DOK5: variants seen among roughly 807,000 people sequenced by gnomAD.
DOK5 encodes the protein docking protein 5, also known as downstream of tyrosine kinase 5.
A neutral mutation model predicts 43.3 loss-of-function variants in DOK5; 27 were observed. The observed-to-expected ratio is 0.62, with a 90% confidence interval of 0.46 to 0.86. The LOEUF (loss-of-function observed/expected upper bound fraction) is 0.86. Ranked by LOEUF, DOK5 falls within the 40% of genes least tolerant of loss-of-function variation. DOK5 has a pLI of 0.00. For missense variants in DOK5, 373 were observed against 392.9 expected (o/e 0.95, Z 0.43); for synonymous variants, 146 against 140.1 (o/e 1.04, Z -0.30).
At chr20:54,615,407 G>T (rs1986774826) in intron 6 of DOK5, among the ~76,000 whole-genome samples, 1 of 152,108 alleles carries the variant, frequency 6.6e-6, no homozygotes, top group Non-Finnish European at 1.5e-5. Context: ...ACAGTATCCT[G>T]GTCTATCCAG....
chr20:54,544,501 T>C (rs922016654), intron 1 of DOK5, among the ~76,000 whole-genome samples: 2 of 152,198 alleles, frequency 1.3e-5, no homozygotes, highest in Non-Finnish European at 2.9e-5. Context: ...GCCAATGCCC[T>C]TGTGACTGCT....
intron 2 of DOK5, among the ~76,000 whole-genome samples, chr20:54,558,644 TA>T (rs1984795122): frequency 6.6e-6 from 1 of 152,224 alleles, no homozygotes; most frequent in Non-Finnish European, 1.5e-5. Flanking sequence ...GAGTTTATTC[TA>T]ACATAAATAA....
intron 1 of DOK5, among the ~76,000 whole-genome samples, chr20:54,511,228 C>T (rs1029464283): frequency 1.3e-5 from 2 of 152,044 alleles, no homozygotes; most frequent in East Asian, 1.9e-4. Flanking sequence ...TCACATTTAC[C>T]CATCTTTAAA....
At chr20:54,495,781 C>T (rs1217113287) in intron 1 of DOK5, among the ~76,000 whole-genome samples, 1 of 151,990 alleles carries the variant, frequency 6.6e-6, no homozygotes, top group African/African-American at 2.4e-5. Context: ...ACTTGGGAGG[C>T]TGAGGTGGAA....
chr20:54,617,035 C>A (rs955971132), intron 6 of DOK5, among the ~76,000 whole-genome samples: 2 of 152,098 alleles, frequency 1.3e-5, no homozygotes, highest in African/African-American at 2.4e-5. Flanking sequence ...CATGATCCAC[C>A]CGCCTTGGCC....
intron 2 of DOK5, among the ~76,000 whole-genome samples, chr20:54,576,273 T>TA (rs1360980571): frequency 6.6e-6 from 1 of 152,036 alleles, no homozygotes; most frequent in Non-Finnish European, 1.5e-5. Context: ...TGAAAGCAAA[T>TA]AAAAATTTAA....
At chr20:54,591,888 G>T (rs1027082081) in intron 5 of DOK5, 83 bp downstream of exon 5, 1 of 1,280,108 alleles carries the variant, frequency 7.8e-7, no homozygotes, top group Non-Finnish European at 1.1e-6. Context: ...CATATGAGGC[G>T]GTAGGTTTAC....
intron 1 of DOK5, among the ~76,000 whole-genome samples, chr20:54,496,780 A>G (rs983565661): frequency 4.6e-5 from 7 of 151,644 alleles, no homozygotes; most frequent in East Asian, 1.9e-4. Flanking sequence ...AAAAAAAAAA[A>G]AAAAAAGAAA....
intron 2 of DOK5, among the ~76,000 whole-genome samples, chr20:54,581,534 A>C (rs186778327): frequency 1.2e-3 from 181 of 151,954 alleles, no homozygotes; most frequent in Non-Finnish European, 1.9e-3. Context: ...GATGCCTTTC[A>C]ATTTATCTGT....
At position 54,546,497 on chromosome 20, in the gene DOK5, C is replaced by T. The variant is rs561901067; in HGVS notation, c.67-8436C>T. ...ATGTGCCATGTTGGTGTGCTGCACC[C>T]ATTAACTCGTCATTTACATTAGGTA... On this transcript the variant is annotated intron_variant, in intron 1 of 7. Coordinates refer to ENST00000262593, the MANE Select transcript of DOK5 (RefSeq NM_018431.5). Among the ~76,000 whole-genome samples the T allele has an allele frequency of 7.2e-5, 11 of 152,092 alleles. No homozygotes were observed. The South Asian group carries it at 2.1e-3, about 29-fold the overall frequency.
At chr20:54,599,885 C>T (rs1268727579) in intron 5 of DOK5, among the ~76,000 whole-genome samples, 2 of 152,178 alleles carry the variant, frequency 1.3e-5, no homozygotes, top group Non-Finnish European at 2.9e-5. Flanking sequence ...CAACATACAA[C>T]TTACTCAACA....
chr20:54,633,360 G>A (rs1253958598), intron 6 of DOK5, among the ~76,000 whole-genome samples: 1 of 152,174 alleles, frequency 6.6e-6, no homozygotes. Context: ...GATGAGAGCC[G>A]AGATTTCAGC....
intron 6 of DOK5, among the ~76,000 whole-genome samples, chr20:54,641,838 T>C (rs761275824): frequency 1.2e-4 from 18 of 152,188 alleles, no homozygotes; most frequent in African/African-American, 4.1e-4. Context: ...TGTAGTTAAC[T>C]GGGCCTTGAA....
At chr20:54,588,048 G>A (rs901302654) in intron 2 of DOK5, among the ~76,000 whole-genome samples, 8 of 151,984 alleles carry the variant, frequency 5.3e-5, no homozygotes, top group Non-Finnish European at 1.0e-4. Context: ...ATGTATTTAA[G>A]ACACTTACAT....
intron 1 of DOK5, among the ~76,000 whole-genome samples, chr20:54,523,891 C>T (rs1037586806): frequency 6.6e-6 from 1 of 152,120 alleles, no homozygotes; most frequent in Non-Finnish European, 1.5e-5. Context: ...ACATGAGCCA[C>T]CGCGCCCAGC....
chr20:54,642,641 T>C (rs779222212), intron 6 of DOK5, among the ~76,000 whole-genome samples: 6 of 151,856 alleles, frequency 4.0e-5, no homozygotes, highest in Non-Finnish European at 7.4e-5. Context: ...GGAGAATTGC[T>C]TGAGCCCAGA....
At chr20:54,558,109 A>G (rs764316464) in intron 2 of DOK5, among the ~76,000 whole-genome samples, 4 of 152,228 alleles carry the variant, frequency 2.6e-5, no homozygotes, top group Non-Finnish European at 5.9e-5. Flanking sequence ...AGAAATCTGT[A>G]CTTGAGGCAT....
At chr20:54,501,264 G>C (rs754307580) in intron 1 of DOK5, among the ~76,000 whole-genome samples, 3 of 151,728 alleles carry the variant, frequency 2.0e-5, no homozygotes, top group Non-Finnish European at 4.4e-5. Flanking sequence ...TCAGGAGATC[G>C]AGACTATCCT....
intron 1 of DOK5, among the ~76,000 whole-genome samples, chr20:54,486,683 C>T (rs1413339808): frequency 6.6e-6 from 1 of 152,082 alleles, no homozygotes; most frequent in African/African-American, 2.4e-5. Context: ...CGCTTATTGG[C>T]TCTGTAGCCT....
Sources: allele counts gnomAD v4.1 joint callset (sites outside exome capture counted in the v4.1 genomes callset), GRCh38; gene constraint gnomAD v4.1.1; transcripts MANE v1.5; gene names NCBI Gene and HGNC (gene_info 2026-07-23, HGNC 2026-07-21).